Variants in LRMDA observed in about 807,000 individuals in gnomAD.
The protein encoded by LRMDA is leucine-rich melanocyte differentiation-associated protein.
LRMDA carries 18 observed loss-of-function variants against 29.8 expected under a neutral mutation model. That is an observed-to-expected ratio of 0.60 (90% CI 0.42 to 0.90). The LOEUF (loss-of-function observed/expected upper bound fraction) is 0.90. Ranked by LOEUF, LRMDA falls within the 40% of genes least tolerant of loss-of-function variation. The pLI is 0.00. For synonymous variants in LRMDA, 125 were observed against 109.4 expected (o/e 1.14, Z -0.89); for missense variants, 273 against 273.9 (o/e 1.00, Z 0.02).
intron 5 of LRMDA, among the ~76,000 whole-genome samples, chr10:76,289,505 ATT>A (rs1373508893): frequency 6.6e-6 from 1 of 152,170 alleles, no homozygotes; most frequent in Non-Finnish European, 1.5e-5. Flanking sequence ...CCTATGCAGT[ATT>A]ACAGGAAGTA....
rs576042042 is a variant in LRMDA at position 76,502,007 on chromosome 10, C to G, written c.602-55202C>G. Among the ~76,000 whole-genome samples, 6 of 152,034 alleles carry G rather than the reference C, an allele frequency of 3.9e-5. No individual in the cohort carries two copies. In the East Asian group the frequency reaches 1.2e-3, roughly 29 times the overall value. ...ATAGTGTGAGGTCTTACATTTAAAT[C>G]TTTAATCCATTTTGAGTTAATTTTT... On this transcript the variant is annotated intron_variant, in intron 6 of 6. Transcript: ENST00000611255.
At chr10:76,000,882 C>G (rs1847551614) in intron 2 of LRMDA, among the ~76,000 whole-genome samples, 1 of 152,110 alleles carries the variant, frequency 6.6e-6, no homozygotes, top group Admixed American at 6.5e-5. Flanking sequence ...TGCTTCCCTC[C>G]CTTCCCGCTT....
chr10:75,886,309 T>A (rs1018421910), intron 2 of LRMDA, among the ~76,000 whole-genome samples: 9 of 152,182 alleles, frequency 5.9e-5, no homozygotes, highest in Admixed American at 5.9e-4. Flanking sequence ...TGGACCAGTT[T>A]GTATATTGCT....
At chr10:75,902,176 T>C (rs941398416) in intron 2 of LRMDA, among the ~76,000 whole-genome samples, 1 of 152,212 alleles carries the variant, frequency 6.6e-6, no homozygotes, top group South Asian at 2.1e-4. Context: ...GCTCTTTGGC[T>C]ACCCCTTGGC....
intron 5 of LRMDA, among the ~76,000 whole-genome samples, chr10:76,173,428 A>G (rs1850873838): frequency 6.6e-6 from 1 of 152,250 alleles, no homozygotes; most frequent in Non-Finnish European, 1.5e-5. Flanking sequence ...GAGACTATTA[A>G]TAAAATTGAT....
intron 2 of LRMDA, among the ~76,000 whole-genome samples, chr10:75,548,530 C>T (rs192194844): frequency 2.2e-3 from 332 of 152,256 alleles, no homozygotes; most frequent in Admixed American, 6.9e-3. Flanking sequence ...CCCACAGTAT[C>T]TTAAACAATG....
intron 2 of LRMDA, among the ~76,000 whole-genome samples, chr10:75,909,413 C>T (rs1589249688): frequency 6.6e-6 from 1 of 152,178 alleles, no homozygotes; most frequent in African/African-American, 2.4e-5. Flanking sequence ...ATCCTCTTGG[C>T]CTGCTCTGAT....
At chr10:75,856,284 C>T (rs185353451) in intron 2 of LRMDA, among the ~76,000 whole-genome samples, 12 of 152,176 alleles carry the variant, frequency 7.9e-5, no homozygotes, top group East Asian at 3.9e-4. Context: ...CCTTCATGTC[C>T]GTTGTAAGTT....
intron 4 of LRMDA, among the ~76,000 whole-genome samples, chr10:76,053,563 T>C (rs1056933069): frequency 2.6e-5 from 4 of 152,150 alleles, no homozygotes; most frequent in African/African-American, 9.7e-5. Context: ...TTTGACACCC[T>C]GACATGACCT....
At chr10:76,314,309 T>A (rs1312464630) in intron 5 of LRMDA, among the ~76,000 whole-genome samples, 1 of 152,210 alleles carries the variant, frequency 6.6e-6, no homozygotes, top group Non-Finnish European at 1.5e-5. Flanking sequence ...TGGGCTCAAG[T>A]GATCTGCCTA....
intron 2 of LRMDA, among the ~76,000 whole-genome samples, chr10:75,870,889 G>T (rs1386033939): frequency 1.3e-5 from 2 of 152,040 alleles, no homozygotes; most frequent in East Asian, 3.9e-4. Flanking sequence ...TCTCTTTGCT[G>T]CTCTTCTCGT....
intron 2 of LRMDA, among the ~76,000 whole-genome samples, chr10:75,599,367 G>A (rs1012381740): frequency 4.6e-5 from 7 of 152,146 alleles, no homozygotes; most frequent in African/African-American, 9.7e-5. Context: ...AGCTAAAATC[G>A]CTGGCAAGAA....
chr10:75,834,706 A>C (rs1386785760), intron 2 of LRMDA, among the ~76,000 whole-genome samples: 1 of 152,212 alleles, frequency 6.6e-6, no homozygotes, highest in Non-Finnish European at 1.5e-5. Context: ...GCCATTAAAA[A>C]CTAAGGATCC....
At chr10:75,815,516 T>A (rs1274600493) in intron 2 of LRMDA, among the ~76,000 whole-genome samples, 1 of 152,200 alleles carries the variant, frequency 6.6e-6, no homozygotes, top group East Asian at 1.9e-4. Context: ...CAGAAGTGAT[T>A]TGTGTCACTT....
chr10:76,343,436 C>G (rs11001735), intron 6 of LRMDA, among the ~76,000 whole-genome samples: 16,471 of 152,172 alleles, frequency 0.11, 1,052 homozygotes, highest in East Asian at 0.32. Flanking sequence ...GTCCAAGTAA[C>G]ATTTATTCCA....
intron 5 of LRMDA, among the ~76,000 whole-genome samples, chr10:76,157,788 G>T (rs1342225553): frequency 6.6e-6 from 1 of 152,068 alleles, no homozygotes; most frequent in Non-Finnish European, 1.5e-5. Flanking sequence ...AATGATAGAT[G>T]AAATTAGGTG....
rs147409986 is a variant in LRMDA, at chr10:75,617,448, G to A, written c.131+178954G>A. On this transcript the variant is annotated intron_variant, in intron 2 of 6. Coordinates refer to ENST00000611255, the MANE Select transcript of LRMDA (RefSeq NM_001305581.2). Reference sequence around the variant, plus strand: ...TGAGTGTCCCCTTCTATGTTAAGTCGTTTTGTAAATCTGCACTCTGATGAA... The same window carrying A: ...TGAGTGTCCCCTTCTATGTTAAGTCATTTTGTAAATCTGCACTCTGATGAA... Among the ~76,000 whole-genome samples, 1,084 of 152,296 alleles carry A rather than the reference G, an allele frequency of 7.1e-3. 9 individuals carry two copies. The highest frequency in any genetic ancestry group is 9.0e-3 in the Non-Finnish European group (609 of 68,024).
intron 2 of LRMDA, among the ~76,000 whole-genome samples, chr10:75,439,842 G>A (rs1029090416): frequency 2.6e-4 from 40 of 152,180 alleles, no homozygotes; most frequent in South Asian, 2.1e-4. Context: ...AGGACCGAGT[G>A]CGTGGCCTTG....
chr10:76,140,759 A>G (rs994745786), intron 5 of LRMDA, among the ~76,000 whole-genome samples: 1 of 152,024 alleles, frequency 6.6e-6, no homozygotes, highest in African/African-American at 2.4e-5. Flanking sequence ...ATTGCCTTCA[A>G]TCTCCTCCCT....
Sources: gnomAD v4.1 joint callset for allele counts (sites outside exome capture counted in the v4.1 genomes callset) on GRCh38, gnomAD v4.1.1 for gene constraint, MANE v1.5 for transcripts, NCBI Gene and HGNC (gene_info 2026-07-23, HGNC 2026-07-21) for gene names.